Variants in AKAP9 observed in about 807,000 individuals in gnomAD.
AKAP9 encodes the protein A-kinase anchor protein 9.
A neutral mutation model predicts 488.5 loss-of-function variants in AKAP9; 311 were observed. The ratio of observed to expected loss-of-function variants is 0.64; its 90% CI spans 0.58 to 0.70. The LOEUF (loss-of-function observed/expected upper bound fraction) is 0.70, where lower values mean the gene tolerates loss of function less well. Among genes scored for constraint, AKAP9 ranks in the 30% least tolerant of loss-of-function variants. The probability of loss-of-function intolerance (pLI) is 0.00; values close to 1 mark genes in which losing one functional copy is unlikely to be tolerated. For synonymous variants in AKAP9, 1,462 were observed against 1,483.5 expected (o/e 0.99, Z 0.33); for missense variants, 4,215 against 4,374.5 (o/e 0.96, Z 1.03).
intron 8 of AKAP9, among the ~76,000 whole-genome samples, chr7:92,010,431 G>T (rs952828653): frequency 6.6e-6 from 1 of 152,210 alleles, no homozygotes; most frequent in Non-Finnish European, 1.5e-5. Context: ...ATAAATGCCC[G>T]CAGGGCCAGC....
intron 1 of AKAP9, chr7:91,970,541 T>C: frequency 4.4e-6 from 2 of 455,056 alleles, no homozygotes; most frequent in South Asian, 3.1e-5. Flanking sequence ...AGCTTTTGTT[T>C]GTCTGTGAAA....
At chr7:92,056,932 A>G (rs1315307333) in intron 22 of AKAP9, among the ~76,000 whole-genome samples, 1 of 152,048 alleles carries the variant, frequency 6.6e-6, no homozygotes, top group African/African-American at 2.4e-5. Context: ...AACTTTCATT[A>G]TTGAAAATCT....
At chr7:92,070,838 A>C in intron 27 of AKAP9, 67 bp from the exon 28 acceptor site, 1 of 1,220,872 alleles carries the variant, frequency 8.2e-7, no homozygotes, top group Non-Finnish European at 1.2e-6. Flanking sequence ...AGACCAAAAA[A>C]CAAAAAAAAA....
chr7:92,007,835 T>G (rs1014924417), intron 8 of AKAP9, among the ~76,000 whole-genome samples: 1 of 152,198 alleles, frequency 6.6e-6, no homozygotes, highest in Non-Finnish European at 1.5e-5. Flanking sequence ...GTCAAGAATA[T>G]TTTTGAAAAA....
At chr7:92,103,564 G>T (rs1201272051) in intron 46 of AKAP9, among the ~76,000 whole-genome samples, 1 of 149,848 alleles carries the variant, frequency 6.7e-6, no homozygotes. Flanking sequence ...GCGTGGTGGC[G>T]GGTGCCTGTA....
intron 24 of AKAP9, among the ~76,000 whole-genome samples, chr7:92,062,746 A>G (rs1017678196): frequency 6.6e-5 from 10 of 152,166 alleles, no homozygotes; most frequent in Non-Finnish European, 1.5e-4. Context: ...TTCTGCTTCA[A>G]GAGAAAGCTG....
At chr7:92,074,259 G>A (rs984350165) in intron 28 of AKAP9, among the ~76,000 whole-genome samples, 1 of 152,122 alleles carries the variant, frequency 6.6e-6, no homozygotes, top group Non-Finnish European at 1.5e-5. Flanking sequence ...AAAAACATAC[G>A]AAGAAAAGCT....
At chr7:92,105,944 T>TTC (rs1818446751) in intron 47 of AKAP9, among the ~76,000 whole-genome samples, 181 bp downstream of exon 47, 1 of 152,266 alleles carries the variant, frequency 6.6e-6, no homozygotes, top group South Asian at 2.1e-4. Context: ...TGGCATTAGA[T>TTC]TCTCATAGGA....
intron 1 of AKAP9, among the ~76,000 whole-genome samples, chr7:91,948,552 A>G (rs1791762166): frequency 6.7e-6 from 1 of 150,146 alleles, no homozygotes; most frequent in Non-Finnish European, 1.5e-5. Flanking sequence ...TTCCTAATGA[A>G]TAATGATATT....
chr7:92,076,726 C>T (rs1488518695), intron 28 of AKAP9, 129 bp from the exon 29 acceptor site: 16 of 533,722 alleles, frequency 3.0e-5, no homozygotes, highest in Non-Finnish European at 4.1e-5. Context: ...AGAAAAACCA[C>T]ATTCCTTTAT....
chr7:92,108,427 G>A lies in AKAP9; in HGVS notation c.11547-67G>A, dbSNP rs1818878549. ...CACCTTTTTGGGGAAGGGAGTGGAG[G>A]CAGGTTGGTAACTTATATGCATATT... On this transcript the variant is annotated intron_variant, in intron 48 of 49. Coordinates refer to ENST00000356239, the MANE Select transcript of AKAP9 (RefSeq NM_005751.5). 6 of 1,537,480 alleles carry A rather than the reference G, an allele frequency of 3.9e-6. No individual in the cohort carries two copies. In the East Asian group the frequency reaches 1.1e-4, roughly 29 times the overall value.
intron 14 of AKAP9, among the ~76,000 whole-genome samples, chr7:92,028,370 A>C (rs1363695152): frequency 6.6e-6 from 1 of 151,934 alleles, no homozygotes; most frequent in African/African-American, 2.4e-5. Context: ...AGTTTAGATC[A>C]TAATGACCGG....
rs1234317813 is a variant in AKAP9, at chr7:92,042,125, T to G, written c.4997T>G (p.Leu1666Arg). Residue 1666 changes from leucine to arginine, a missense_variant, in exon 19 of 50, where the codon CTG (leucine) becomes CGG (arginine). Leu to Arg is a moderately radical substitution (Grantham distance 102, BLOSUM62 -2). Transcript: ENST00000356239. ...GAGGAGCTGGAAGCACTAAAGCAGCTGTCTTTAGCTGGAAGAGAGAAGCTG... is the reference window on the plus strand; with the variant it reads ...GAGGAGCTGGAAGCACTAAAGCAGCGGTCTTTAGCTGGAAGAGAGAAGCTG... ...LLEELEALKQLSLAGREKLCC... is the reference protein window; with the variant it reads ...LLEELEALKQRSLAGREKLCC... 1.2e-6 allele frequency: 2 copies of G among 1,614,058 alleles called. No homozygotes were observed. The highest frequency in any genetic ancestry group is 1.7e-6 in the Non-Finnish European group (2 of 1,179,950).
At chr7:92,077,147 G>A in intron 29 of AKAP9, 140 bp downstream of exon 29, 1 of 269,752 alleles carries the variant, frequency 3.7e-6, no homozygotes, top group Non-Finnish European at 6.0e-6. Flanking sequence ...CCAGGCTGGA[G>A]TGCAATGGTG....
chr7:92,031,029 G>A (rs1463666715), intron 15 of AKAP9, among the ~76,000 whole-genome samples: 1 of 152,140 alleles, frequency 6.6e-6, no homozygotes, highest in East Asian at 1.9e-4. Context: ...CTTTCATACT[G>A]AGAACATATT....
intron 22 of AKAP9, 49 bp downstream of exon 22, chr7:92,053,007 C>T (rs1808245444): frequency 1.4e-6 from 2 of 1,427,382 alleles, no homozygotes; most frequent in Admixed American, 1.7e-5. Context: ...GTACAATATA[C>T]TATCCCACTC....
Position 92,080,162 on chromosome 7 carries a change from G to A in AKAP9, c.8019+10G>A, listed in dbSNP as rs1813271909. ...TGTTGAAGTTCTCAAGGTTAGTTTT[G>A]TATTTTATTAGTTTCATTTAAATAC... is the stretch of plus-strand genomic sequence containing the variant. On this transcript the variant is annotated intron_variant, in intron 31 of 49. Transcript: ENST00000356239. The A allele has an allele frequency of 6.4e-7, 1 of 1,553,528 alleles. No homozygotes were observed. Among genetic ancestry groups the A allele is most frequent in the Non-Finnish European group, 8.7e-7 (1 of 1,153,666 alleles).
intron 2 of AKAP9, among the ~76,000 whole-genome samples, chr7:91,977,515 C>T (rs1036613583): frequency 6.6e-6 from 1 of 152,156 alleles, no homozygotes; most frequent in African/African-American, 2.4e-5. Context: ...GAGATCACGT[C>T]ACTACACTCC....
Position 92,008,367 on chromosome 7 carries a change from A to G in AKAP9, c.3319-4062A>G, listed in dbSNP as rs1295574733. On this transcript the variant is annotated intron_variant, in intron 8 of 49. Transcript: ENST00000356239. ...AGGCGACAGAAAAAAAGAAAAGAAA[A>G]GAAAACACTAAAAGTATTAGACTTT... 4.0e-5 allele frequency among the ~76,000 whole-genome samples: 6 copies of G among 149,928 alleles called. No homozygotes were observed. In the Admixed American group the frequency reaches 4.0e-4, roughly 10 times the overall value.
Sources: allele counts gnomAD v4.1 joint callset (sites outside exome capture counted in the v4.1 genomes callset), GRCh38; gene constraint gnomAD v4.1.1; transcripts MANE v1.5; gene names NCBI Gene and HGNC (gene_info 2026-07-23, HGNC 2026-07-21).